NCOR1: variants seen among roughly 807,000 people sequenced by gnomAD.
NCOR1 encodes the protein nuclear receptor corepressor 1, also known as protein phosphatase 1, regulatory subunit 109.
Under a neutral mutation model 288.1 loss-of-function variants are expected in NCOR1, and 63 were observed. The observed-to-expected ratio is 0.22, with a 90% CI of 0.18 to 0.27. The LOEUF is 0.27. Ranked by LOEUF, NCOR1 falls within the 10% of genes least tolerant of loss-of-function variation. The pLI is 1.00. For missense variants in NCOR1, 2,397 were observed against 3,019.2 expected (o/e 0.79, Z 4.83); for synonymous variants, 1,007 against 1,065.9 (o/e 0.94, Z 1.08).
chr17:16,196,024 A>G (rs183645146), intron 1 of NCOR1, among the ~76,000 whole-genome samples: 11 of 151,420 alleles, frequency 7.3e-5, no homozygotes, highest in African/African-American at 2.7e-4. Flanking sequence ...ACACATATAC[A>G]CACGTGCATG....
At chr17:16,152,737 C>A (rs1453932958) in intron 7 of NCOR1, among the ~76,000 whole-genome samples, 1 of 146,430 alleles carries the variant, frequency 6.8e-6, no homozygotes, top group Admixed American at 7.0e-5. Flanking sequence ...ACACTGTCTT[C>A]CACAATGGTT....
Position 16,146,494 on chromosome 17 carries a change from C to T in NCOR1, c.964G>A (p.Val322Met). Residue 322 changes from valine (V) to methionine (M), a missense_variant, in exon 10 of 46, where the codon GTG becomes ATG. Around this residue, in one of 11 missense-constraint regions of NCOR1, gnomAD observed 51 missense variants for 127.6 expected, o/e 0.40. Coordinates refer to ENST00000268712, the MANE Select transcript of NCOR1 (RefSeq NM_006311.4). ...CGAGGATTATTTTCTATTCTGTCCACTTTTTTCTCCCATGCCTCCATGAGC... is the reference window on the plus strand; with the variant it reads ...CGAGGATTATTTTCTATTCTGTCCATTTTTTTCTCCCATGCCTCCATGAGC... ...DQLMEAWEKK[V>M]DRIENNPRRK... 1.9e-6 allele frequency: 3 copies of T among 1,613,472 alleles called. No individual in the cohort carries two copies. The highest frequency in any genetic ancestry group is 2.5e-6 in the Non-Finnish European group (3 of 1,179,786).
intron 18 of NCOR1, among the ~76,000 whole-genome samples, chr17:16,114,894 C>A (rs1295696189): frequency 6.6e-6 from 1 of 152,144 alleles, no homozygotes; most frequent in Non-Finnish European, 1.5e-5. Flanking sequence ...TGGTGGCCCT[C>A]TTCTTACAGC....
chr17:16,160,123 C>T (rs922993585), intron 5 of NCOR1, among the ~76,000 whole-genome samples: 5 of 152,142 alleles, frequency 3.3e-5, no homozygotes, highest in African/African-American at 7.2e-5. Context: ...TGAGCCACCA[C>T]GCCTGGCTCC....
intron 45 of NCOR1, among the ~76,000 whole-genome samples, chr17:16,034,061 C>A (rs1031964013): frequency 6.6e-6 from 1 of 152,160 alleles, no homozygotes; most frequent in Non-Finnish European, 1.5e-5. Context: ...TCCCTAAGAA[C>A]TTTTTCTAAG....
intron 10 of NCOR1, among the ~76,000 whole-genome samples, chr17:16,145,545 G>A (rs1219499270): frequency 2.0e-5 from 3 of 147,502 alleles, no homozygotes; most frequent in East Asian, 1.9e-4. Flanking sequence ...TCTCTGCCCC[G>A]CCGCCACCCT....
intron 30 of NCOR1, 118 bp from the exon 31 acceptor site, chr17:16,070,643 T>TTA (rs2061641098): frequency 7.3e-7 from 1 of 1,376,550 alleles, no homozygotes; most frequent in Non-Finnish European, 9.9e-7. Context: ...TTTGGTCTGT[T>TTA]TACAAATCTC....
chr17:16,122,229 T>C (rs2073153749), intron 15 of NCOR1, among the ~76,000 whole-genome samples: 1 of 152,236 alleles, frequency 6.6e-6, no homozygotes, highest in Non-Finnish European at 1.5e-5. Flanking sequence ...GGAAACGTAC[T>C]CAATGTACAT....
At chr17:16,155,079 T>C (rs2079502710) in intron 6 of NCOR1, among the ~76,000 whole-genome samples, 1 of 152,118 alleles carries the variant, frequency 6.6e-6, no homozygotes, top group South Asian at 2.1e-4. Flanking sequence ...AGGCAGGTCA[T>C]GGTGGCTCAC....
intron 2 of NCOR1, among the ~76,000 whole-genome samples, chr17:16,189,151 T>C (rs1395552558): frequency 1.6e-5 from 2 of 124,630 alleles, no homozygotes; most frequent in African/African-American, 5.1e-5. Context: ...CTTAGCACAT[T>C]GGGAGGCCAA....
intron 18 of NCOR1, among the ~76,000 whole-genome samples, chr17:16,114,295 C>A (rs2071087321): frequency 6.6e-6 from 1 of 152,114 alleles, no homozygotes; most frequent in African/African-American, 2.4e-5. Flanking sequence ...CCTCCCACAA[C>A]ACATGGGAAC....
chr17:16,057,865 C>A, intron 39 of NCOR1, 42 bp downstream of exon 39: 2 of 1,542,992 alleles, frequency 1.3e-6, no homozygotes, highest in South Asian at 1.3e-5. Context: ...TCCCCATGAT[C>A]AAAAAAGAAA....
At chr17:16,033,538 TA>T (rs1972963211) in intron 45 of NCOR1, among the ~76,000 whole-genome samples, 3 of 152,116 alleles carry the variant, frequency 2.0e-5, no homozygotes, top group Admixed American at 6.5e-5. Flanking sequence ...ATAATTTACA[TA>T]TATCTTACAG....
intron 41 of NCOR1, among the ~76,000 whole-genome samples, chr17:16,047,695 A>T (rs1597823173): frequency 7.5e-5 from 2 of 26,660 alleles, no homozygotes; most frequent in South Asian, 6.0e-4. Context: ...TAACACATTT[A>T]AAAAAAAACA....
chr17:16,109,528 C>G (rs1252110411), intron 18 of NCOR1, among the ~76,000 whole-genome samples: 1 of 152,014 alleles, frequency 6.6e-6, no homozygotes, highest in African/African-American at 2.4e-5. Context: ...TATTAATGAT[C>G]CCATGAAAAC....
Position 16,080,735 on chromosome 17 carries a change from A to G in NCOR1, c.3178-8T>C, listed in dbSNP as rs1007206402. The stretch of plus-strand genomic sequence containing the variant: ...ATAAGTGCCTGGTGTTCCCTAAGAA[A>G]AAAACAAAAAAAAATTTAAAGATTA... On this transcript the variant is annotated splice_region_variant and splice_polypyrimidine_tract_variant and intron_variant, in intron 23 of 45. Coordinates refer to ENST00000268712, the MANE Select transcript of NCOR1 (RefSeq NM_006311.4). 1 of 1,600,544 alleles carries G rather than the reference A, an allele frequency of 6.2e-7. No individual in the cohort carries two copies. The highest frequency in any genetic ancestry group is 1.4e-5 in the African/African-American group (1 of 74,060).
intron 5 of NCOR1, among the ~76,000 whole-genome samples, chr17:16,162,098 A>T (rs943507041): frequency 3.9e-5 from 6 of 151,924 alleles, no homozygotes; most frequent in South Asian, 2.1e-4. Flanking sequence ...CAAAAAAAAA[A>T]TTTTTTTTAA....
At chr17:16,065,195 C>T (rs1319426810) in intron 33 of NCOR1, among the ~76,000 whole-genome samples, 176 bp from the exon 34 acceptor site, 1 of 152,130 alleles carries the variant, frequency 6.6e-6, no homozygotes, top group Admixed American at 6.5e-5. Flanking sequence ...ATATTAAAGA[C>T]TGTACTTCAC....
intron 26 of NCOR1, among the ~76,000 whole-genome samples, chr17:16,077,785 C>T (rs943706898): frequency 7.2e-5 from 11 of 151,994 alleles, no homozygotes; most frequent in African/African-American, 2.2e-4. Flanking sequence ...GATAAAGATG[C>T]GTTTGAGCCT....
Sources: gnomAD v4.1 joint callset for allele counts (sites outside exome capture counted in the v4.1 genomes callset) on GRCh38, gnomAD v4.1.1 for gene constraint, gnomAD v4.1.1 regional missense constraint, MANE v1.5 for transcripts, NCBI Gene and HGNC (gene_info 2026-07-23, HGNC 2026-07-21) for gene names.